The following XRCC4 variants were observed in gnomAD, a reference collection of about 807,000 sequenced individuals.
The protein encoded by XRCC4 is X-ray repair cross complementing 4, also known as DNA repair protein XRCC4.
Under a neutral mutation model 39.1 loss-of-function variants are expected in XRCC4, and 28 were observed. The ratio of observed to expected loss-of-function variants is 0.72; its 90% CI spans 0.53 to 0.98. XRCC4 has a LOEUF of 0.98. Among genes scored for constraint, XRCC4 ranks in the 50% least tolerant of loss-of-function variants. The pLI is 0.00. For synonymous variants in XRCC4, 123 were observed against 126.4 expected (o/e 0.97, Z 0.18); for missense variants, 350 against 376.4 (o/e 0.93, Z 0.58).
At position 83,235,945 on chromosome 5, in the gene XRCC4, A is replaced by G. The variant is rs529111680; in HGVS notation, c.746-22585A>G. Reference sequence around the variant, plus strand: ...TAACAGTGAAAGATCTAAAAAAGAAACCATGAAAAGAATTACATTTAAGGT... The same window carrying G: ...TAACAGTGAAAGATCTAAAAAAGAAGCCATGAAAAGAATTACATTTAAGGT... On this transcript the variant is annotated intron_variant, in intron 6 of 7. Transcript: ENST00000396027. Among the ~76,000 whole-genome samples the G allele has an allele frequency of 1.8e-4, 27 of 152,246 alleles. 2 individuals carry two copies. Among genetic ancestry groups the G allele is most frequent in the African/African-American group, 6.5e-4 (27 of 41,568 alleles).
intron 3 of XRCC4, among the ~76,000 whole-genome samples, chr5:83,140,571 C>T (rs1748122304): frequency 6.6e-6 from 1 of 152,188 alleles, no homozygotes; most frequent in African/African-American, 2.4e-5. Flanking sequence ...GCTATCTAGG[C>T]ATTCTTCAAT....
intron 7 of XRCC4, among the ~76,000 whole-genome samples, chr5:83,271,655 TAG>T (rs1439714345): frequency 2.0e-5 from 3 of 152,162 alleles, no homozygotes; most frequent in Non-Finnish European, 2.9e-5. Context: ...TAATATAAAA[TAG>T]AGTCATGTTG....
chr5:83,279,693 G>A (rs545853392), intron 7 of XRCC4, among the ~76,000 whole-genome samples: 2 of 152,330 alleles, frequency 1.3e-5, no homozygotes, highest in South Asian at 4.1e-4. Context: ...AATGATGTCA[G>A]TATTCTAGCA....
chr5:83,156,053 G>T (rs1471484470), intron 3 of XRCC4, among the ~76,000 whole-genome samples: 2 of 151,954 alleles, frequency 1.3e-5, no homozygotes, highest in Non-Finnish European at 2.9e-5. Flanking sequence ...CATTCAAAGA[G>T]TTTTCTTTGC....
chr5:83,214,272 C>T (rs902056534), intron 6 of XRCC4, among the ~76,000 whole-genome samples: 1 of 151,956 alleles, frequency 6.6e-6, no homozygotes, highest in Non-Finnish European at 1.5e-5. Flanking sequence ...TTCCTTTTTG[C>T]AGATGATATG....
intron 6 of XRCC4, among the ~76,000 whole-genome samples, chr5:83,218,293 G>C (rs895800102): frequency 1.0e-4 from 14 of 139,630 alleles, no homozygotes; most frequent in Admixed American, 3.2e-4. Flanking sequence ...TACATACTCT[G>C]CAACATTTCT....
chr5:83,342,786 T>C (rs28360330), intron 7 of XRCC4, among the ~76,000 whole-genome samples: 2,198 of 152,262 alleles, frequency 0.014, 26 homozygotes, highest in Non-Finnish European at 0.022. Context: ...TCCCACTTAT[T>C]CTAAGATCAA....
intron 3 of XRCC4, among the ~76,000 whole-genome samples, chr5:83,116,622 T>G (rs1311713396): frequency 0.069 from 9,229 of 134,044 alleles, 1,225 homozygotes; most frequent in African/African-American, 0.24. Context: ...TTTTTTTTTT[T>G]TTTTTTTTTT....
intron 3 of XRCC4, among the ~76,000 whole-genome samples, chr5:83,164,040 G>A (rs1749344498): frequency 6.6e-6 from 1 of 152,036 alleles, no homozygotes; most frequent in African/African-American, 2.4e-5. Context: ...ATAGTAGAGG[G>A]CATTAAGATT....
At chr5:83,241,790 A>G (rs1038603094) in intron 6 of XRCC4, among the ~76,000 whole-genome samples, 3 of 152,190 alleles carry the variant, frequency 2.0e-5, no homozygotes, top group African/African-American at 7.2e-5. Context: ...ATATACTATT[A>G]TATATTCTTA....
At chr5:83,110,938 T>A (rs1746411423) in intron 2 of XRCC4, 90 bp from the exon 3 acceptor site, 1 of 1,201,826 alleles carries the variant, frequency 8.3e-7, no homozygotes. Context: ...CTGTTACATG[T>A]GATAAATTAG....
intron 3 of XRCC4, among the ~76,000 whole-genome samples, chr5:83,123,485 C>G (rs1232103951): frequency 6.6e-6 from 1 of 151,614 alleles, no homozygotes; most frequent in African/African-American, 2.4e-5. Flanking sequence ...TCCAGTCTAT[C>G]AATCTGTGTT....
intron 7 of XRCC4, among the ~76,000 whole-genome samples, chr5:83,333,591 ACACT>A (rs755494404): frequency 1.3e-5 from 2 of 152,306 alleles, no homozygotes; most frequent in South Asian, 2.1e-4. Flanking sequence ...AACAAAAATA[ACACT>A]CAGTGTATAA....
intron 1 of XRCC4, among the ~76,000 whole-genome samples, chr5:83,088,955 T>C (rs1025881995): frequency 2.0e-5 from 3 of 152,220 alleles, no homozygotes; most frequent in Admixed American, 2.0e-4. Context: ...AAAATTGATA[T>C]TAAGTTGTAG....
intron 3 of XRCC4, among the ~76,000 whole-genome samples, chr5:83,129,054 C>G (rs1747420197): frequency 6.6e-6 from 1 of 152,066 alleles, no homozygotes; most frequent in Non-Finnish European, 1.5e-5. Flanking sequence ...CTTGCCCATG[C>G]CTGTGTCCTG....
chr5:83,325,867 C>CT (rs1756242623), intron 7 of XRCC4, among the ~76,000 whole-genome samples: 1 of 152,012 alleles, frequency 6.6e-6, no homozygotes, highest in Non-Finnish European at 1.5e-5. Flanking sequence ...GGTTCTAGGT[C>CT]TTTAAGGAGT....
chr5:83,141,722 G>C (rs1173910467), intron 3 of XRCC4, among the ~76,000 whole-genome samples: 2 of 150,892 alleles, frequency 1.3e-5, no homozygotes, highest in Non-Finnish European at 2.9e-5. Flanking sequence ...CACTTTATTT[G>C]AGTACTACTT....
chr5:83,160,564 A>C (rs1749155089), intron 3 of XRCC4, among the ~76,000 whole-genome samples: 1 of 152,186 alleles, frequency 6.6e-6, no homozygotes, highest in Non-Finnish European at 1.5e-5. Flanking sequence ...CTGCAAGTGT[A>C]CCACGTGGGA....
At chr5:83,346,686 C>T (rs545495734) in intron 7 of XRCC4, among the ~76,000 whole-genome samples, 2 of 151,956 alleles carry the variant, frequency 1.3e-5, no homozygotes, top group South Asian at 2.1e-4. Context: ...TCAACAAGTA[C>T]AGTATTGATT....
Sources: allele counts gnomAD v4.1 joint callset (sites outside exome capture counted in the v4.1 genomes callset), GRCh38; gene constraint gnomAD v4.1.1; transcripts MANE v1.5; gene names NCBI Gene and HGNC (gene_info 2026-07-23, HGNC 2026-07-21).